CACNA2D3: variants seen among roughly 807,000 people sequenced by gnomAD.
CACNA2D3 encodes the protein voltage-dependent calcium channel subunit alpha-2/delta-3.
Under a neutral mutation model 160.6 loss-of-function variants are expected in CACNA2D3, and 60 were observed. The ratio of observed to expected loss-of-function variants is 0.37; its 90% CI spans 0.30 to 0.46. The LOEUF is 0.46. CACNA2D3 is among the 20% of genes least tolerant of loss of function. The pLI, the probability that CACNA2D3 is intolerant of heterozygous loss-of-function variation, is 1.00. For synonymous variants in CACNA2D3, 558 were observed against 492.9 expected, an observed-to-expected ratio of 1.13 and a Z score of -1.75; for missense variants, 1,205 against 1,365.0, an observed-to-expected ratio of 0.88 and a Z score of 1.85.
At chr3:54,763,855 A>ACGTATATATATG (rs1559573924) in intron 12 of CACNA2D3, among the ~76,000 whole-genome samples, 1 of 34,272 alleles carries the variant, frequency 2.9e-5, no homozygotes, top group Non-Finnish European at 6.2e-5. Flanking sequence ...GTACATATAT[A>ACGTATATATATG]TACATATATA....
intron 4 of CACNA2D3, among the ~76,000 whole-genome samples, chr3:54,471,925 A>T (rs1575475582): frequency 6.6e-6 from 1 of 152,172 alleles, no homozygotes; most frequent in East Asian, 1.9e-4. Context: ...AACGAAAAAA[A>T]GTCCTGGACC....
chr3:54,741,681 G>A (rs918865584), intron 11 of CACNA2D3, among the ~76,000 whole-genome samples: 3 of 151,992 alleles, frequency 2.0e-5, no homozygotes, highest in Admixed American at 6.5e-5. Context: ...GTATGTGTTG[G>A]TCTGCTTTGG....
intron 4 of CACNA2D3, among the ~76,000 whole-genome samples, chr3:54,432,087 T>A (rs958069455): frequency 2.6e-5 from 4 of 152,154 alleles, no homozygotes; most frequent in Non-Finnish European, 5.9e-5. Context: ...AAAATATACA[T>A]GACTGTGTTT....
At chr3:54,535,576 G>A (rs1227002190) in intron 5 of CACNA2D3, among the ~76,000 whole-genome samples, 1 of 151,992 alleles carries the variant, frequency 6.6e-6, no homozygotes, top group Non-Finnish European at 1.5e-5. Context: ...TGTTTTATGT[G>A]GATGTTAAGC....
At position 54,626,435 on chromosome 3, in the gene CACNA2D3, T is replaced by G. The variant is rs1699104691; in HGVS notation, c.964-1352T>G. ...GCGCTGCCCATGGAGAAGCCGGAAG[T>G]GGTGAAGACGCACCTGCGTGACGTG... is the stretch of plus-strand genomic sequence containing the variant. On this transcript the variant is annotated intron_variant, in intron 9 of 37. Coordinates refer to ENST00000474759, the MANE Select transcript of CACNA2D3 (RefSeq NM_018398.3). 2.3e-5 allele frequency: 37 copies of G among 1,590,594 alleles called. No homozygotes were observed. The South Asian group carries it at 3.9e-4, about 17-fold the overall frequency.
At chr3:54,651,027 T>G (rs1699754045) in intron 11 of CACNA2D3, among the ~76,000 whole-genome samples, 1 of 152,172 alleles carries the variant, frequency 6.6e-6, no homozygotes, top group African/African-American at 2.4e-5. Flanking sequence ...TGACTAGCAT[T>G]TGGTGGACCT....
At chr3:54,253,678 T>C (rs184298569) in intron 2 of CACNA2D3, among the ~76,000 whole-genome samples, 30 of 152,274 alleles carry the variant, frequency 2.0e-4, no homozygotes, top group Admixed American at 3.9e-4. Context: ...GAGGAAGTAT[T>C]TGTGAGCTTG....
At chr3:54,382,666 C>T (rs1405734054) in intron 3 of CACNA2D3, among the ~76,000 whole-genome samples, 1 of 152,184 alleles carries the variant, frequency 6.6e-6, no homozygotes, top group African/African-American at 2.4e-5. Flanking sequence ...TGCCTGTAAT[C>T]CCAGCTACTC....
At chr3:54,591,800 C>T (rs1702865706) in intron 9 of CACNA2D3, among the ~76,000 whole-genome samples, 1 of 151,992 alleles carries the variant, frequency 6.6e-6, no homozygotes, top group Admixed American at 6.6e-5. Flanking sequence ...AGAATTATGA[C>T]CTTCTGTATA....
chr3:54,393,245 C>A (rs1428863985), intron 4 of CACNA2D3, among the ~76,000 whole-genome samples: 3 of 152,222 alleles, frequency 2.0e-5, no homozygotes, highest in Non-Finnish European at 2.9e-5. Context: ...GTGCTCTCCA[C>A]TGGGGACTCC....
At chr3:54,358,787 G>C (rs1363867014) in intron 3 of CACNA2D3, among the ~76,000 whole-genome samples, 1 of 152,198 alleles carries the variant, frequency 6.6e-6, no homozygotes, top group Non-Finnish European at 1.5e-5. Context: ...AAGCTAGAAG[G>C]CCAGTATTCA....
At chr3:54,296,387 C>G (rs892601062) in intron 2 of CACNA2D3, among the ~76,000 whole-genome samples, 20 of 152,194 alleles carry the variant, frequency 1.3e-4, no homozygotes, top group Non-Finnish European at 8.8e-5. Context: ...TCTCATTTCT[C>G]ACCCTTGGCT....
chr3:54,215,575 C>T (rs1701445889), intron 2 of CACNA2D3, among the ~76,000 whole-genome samples: 1 of 152,086 alleles, frequency 6.6e-6, no homozygotes, highest in Non-Finnish European at 1.5e-5. Context: ...TCTGGGTTTG[C>T]CATGCATTGC....
intron 27 of CACNA2D3, among the ~76,000 whole-genome samples, chr3:54,900,611 T>C (rs1361050881): frequency 6.6e-6 from 1 of 152,132 alleles, no homozygotes; most frequent in Non-Finnish European, 1.5e-5. Context: ...TTGGAGCCAT[T>C]GGTTGATGGG....
At chr3:54,952,039 G>A (rs1363693437) in intron 27 of CACNA2D3, among the ~76,000 whole-genome samples, 2 of 152,110 alleles carry the variant, frequency 1.3e-5, no homozygotes, top group African/African-American at 4.8e-5. Context: ...AGTAGAGATG[G>A]CATTTCACCA....
At chr3:54,682,161 GCACACACACACACACA>G (rs138753206) in intron 11 of CACNA2D3, among the ~76,000 whole-genome samples, 2 of 144,668 alleles carry the variant, frequency 1.4e-5, no homozygotes, top group Admixed American at 6.9e-5. Flanking sequence ...AAACAGAACA[GCACACACACACACACA>G]CACACACACA....
At chr3:54,971,754 G>T (rs1702279479) in intron 29 of CACNA2D3, among the ~76,000 whole-genome samples, 1 of 152,170 alleles carries the variant, frequency 6.6e-6, no homozygotes, top group African/African-American at 2.4e-5. Context: ...TTCACAGGCA[G>T]TCTAACATGG....
At chr3:54,604,060 CA>C (rs1315025987) in intron 9 of CACNA2D3, among the ~76,000 whole-genome samples, 2 of 152,010 alleles carry the variant, frequency 1.3e-5, no homozygotes, top group Non-Finnish European at 2.9e-5. Flanking sequence ...CTATTATAAA[CA>C]ATGCTATGAT....
rs1378177269 is a variant in CACNA2D3 at position 54,681,510 on chromosome 3, C to G, written c.1167+39269C>G. ...GGCGGAGGTTGTAGTGGGCCAAGAT[C>G]GCATTCACTGCACTCCAGCCTGGGC... On this transcript the variant is annotated intron_variant, in intron 11 of 37. Transcript: ENST00000474759. Among the ~76,000 whole-genome samples the G allele has an allele frequency of 8.3e-5, 12 of 144,790 alleles. No individual in the cohort carries two copies. In the South Asian group the frequency reaches 2.6e-3, roughly 32 times the overall value. The allele number at this position is 144,790 out of a possible 152,430, so 95.0% of individuals were successfully genotyped here.
Sources: allele counts gnomAD v4.1 joint callset (sites outside exome capture counted in the v4.1 genomes callset), GRCh38; gene constraint gnomAD v4.1.1; transcripts MANE v1.5; gene names NCBI Gene and HGNC (gene_info 2026-07-23, HGNC 2026-07-21).